Variants in SYT17 observed in about 807,000 individuals in gnomAD.
SYT17 encodes the protein synaptotagmin 17, also known as synaptotagmin-17.
Under a neutral mutation model 46.7 loss-of-function variants are expected in SYT17, and 22 were observed. The observed-to-expected ratio is 0.47, with a 90% CI of 0.34 to 0.67. SYT17 has a LOEUF of 0.67. Ranked by LOEUF, SYT17 falls within the 30% of genes least tolerant of loss-of-function variation. The probability of loss-of-function intolerance (pLI) is 0.01; values close to 1 mark genes in which losing one functional copy is unlikely to be tolerated. For missense variants in SYT17, 519 were observed against 612.8 expected (o/e 0.85, Z 1.62); for synonymous variants, 251 against 248.4 (o/e 1.01, Z -0.10).
chr16:19,252,007 C>G (rs771422811), intron 7 of SYT17, among the ~76,000 whole-genome samples: 2 of 151,814 alleles, frequency 1.3e-5, no homozygotes, highest in Admixed American at 1.3e-4. Context: ...GTCAGGAGTT[C>G]GAGAGCAGCC....
At chr16:19,253,843 T>G (rs146983813) in intron 7 of SYT17, among the ~76,000 whole-genome samples, 1,636 of 152,212 alleles carry the variant, frequency 0.011, 41 homozygotes, top group African/African-American at 0.037. Flanking sequence ...TTCTCCTGTC[T>G]CAGCCTCCCG....
chr16:19,232,886 A>T (rs1171890773), intron 7 of SYT17, among the ~76,000 whole-genome samples: 1 of 151,748 alleles, frequency 6.6e-6, no homozygotes, highest in Non-Finnish European at 1.5e-5. Flanking sequence ...ACTGGTCCCT[A>T]CCCCTGCACA....
intron 5 of SYT17, among the ~76,000 whole-genome samples, chr16:19,198,667 T>A (rs945625581): frequency 6.6e-6 from 1 of 152,224 alleles, no homozygotes; most frequent in Admixed American, 6.5e-5. Context: ...CTGTGTTAAC[T>A]GTTGCCCTGT....
chr16:19,224,154 C>T (rs1174820002), intron 6 of SYT17, among the ~76,000 whole-genome samples: 1 of 152,116 alleles, frequency 6.6e-6, no homozygotes, highest in Non-Finnish European at 1.5e-5. Flanking sequence ...GGGCTATGGG[C>T]TCACTGAAAT....
intron 5 of SYT17, among the ~76,000 whole-genome samples, chr16:19,199,085 G>C (rs1317740800): frequency 6.6e-6 from 1 of 152,180 alleles, no homozygotes; most frequent in African/African-American, 2.4e-5. Flanking sequence ...TGTCAACATT[G>C]ATTGACCACA....
chr16:19,183,001 C>T lies in SYT17; in HGVS notation c.332-527C>T, dbSNP rs1212226479. Among the ~76,000 whole-genome samples the T allele has an allele frequency of 2.6e-5, 4 of 152,180 alleles. No individual in the cohort carries two copies. Among genetic ancestry groups the T allele is most frequent in the Non-Finnish European group, 4.4e-5 (3 of 68,040 alleles). Reference sequence around the variant, plus strand: ...AGAATATGCCCGGAGTCACATGGCTCACTGGTAATGAGTACACGAGTAGTG... The same window carrying T: ...AGAATATGCCCGGAGTCACATGGCTTACTGGTAATGAGTACACGAGTAGTG... On this transcript the variant is annotated intron_variant, in intron 4 of 7. Coordinates refer to ENST00000355377, the MANE Select transcript of SYT17 (RefSeq NM_016524.4). The surrounding 1 kb of genome is among the most constrained non-coding windows in gnomAD (Gnocchi z 5.6).
At position 19,180,554 on chromosome 16, in the gene SYT17, T is replaced by A. The variant is rs771214015; in HGVS notation, c.331+15T>A. On this transcript the variant is annotated intron_variant, in intron 4 of 7. Transcript: ENST00000355377. ...GAGGATTTCGAGTAAGTATCTCTGC[T>A]TTACCTTTCTGGGGGCCCTGGCTGG... is the stretch of plus-strand genomic sequence containing the variant. 6.2e-7 allele frequency: 1 copy of A among 1,613,340 alleles called. No homozygotes were observed. Among genetic ancestry groups the A allele is most frequent in the Non-Finnish European group, 8.5e-7 (1 of 1,179,532 alleles).
chr16:19,172,753 A>G lies in SYT17; in HGVS notation c.16-7A>G. Reference sequence around the variant, plus strand: ...CCTTGGCTTCATCGTGGATCTTAAAAGGGCAGTTGGAACCATTAAACGAGG... The same window carrying G: ...CCTTGGCTTCATCGTGGATCTTAAAGGGGCAGTTGGAACCATTAAACGAGG... On this transcript the variant is annotated splice_region_variant and splice_polypyrimidine_tract_variant and intron_variant, in intron 1 of 7. Coordinates refer to ENST00000355377, the MANE Select transcript of SYT17 (RefSeq NM_016524.4). The G allele has an allele frequency of 6.2e-7, 1 of 1,613,952 alleles. No homozygotes were observed. Among genetic ancestry groups the G allele is most frequent in the Non-Finnish European group, 8.5e-7 (1 of 1,179,998 alleles).
At chr16:19,178,717 T>G (rs1964422134) in intron 3 of SYT17, among the ~76,000 whole-genome samples, 4 of 152,060 alleles carry the variant, frequency 2.6e-5, no homozygotes, top group Admixed American at 1.3e-4. Context: ...TAATGTCAAG[T>G]TGGGGGGTAT....
chr16:19,257,433 G>C (rs780807646), intron 7 of SYT17, among the ~76,000 whole-genome samples: 2 of 151,456 alleles, frequency 1.3e-5, no homozygotes, highest in Non-Finnish European at 2.9e-5. Context: ...AAAGCTTCTA[G>C]GTTTCTGAAA....
chr16:19,236,468 AC>A (rs564595996), intron 7 of SYT17, among the ~76,000 whole-genome samples: 207 of 152,292 alleles, frequency 1.4e-3, no homozygotes, highest in South Asian at 8.3e-3. Flanking sequence ...CACTTCAGAT[AC>A]CAGCTGTAAG....
At position 19,201,551 on chromosome 16, in the gene SYT17, A is replaced by G. The variant is rs1283591844; in HGVS notation, c.951+17404A>G. Reference sequence around the variant, plus strand: ...TGCTAAACAAATAGAAGCCACAGATATCTCTTCTGTGGCCCCCCAAAACCA... The same window carrying G: ...TGCTAAACAAATAGAAGCCACAGATGTCTCTTCTGTGGCCCCCCAAAACCA... On this transcript the variant is annotated intron_variant, in intron 5 of 7. Transcript: ENST00000355377. Among the ~76,000 whole-genome samples the G allele has an allele frequency of 2.6e-5, 4 of 151,956 alleles. No individual in the cohort carries two copies. The East Asian group carries it at 5.8e-4, about 22-fold the overall frequency.
intron 7 of SYT17, among the ~76,000 whole-genome samples, chr16:19,252,202 T>A (rs1968131854): frequency 6.6e-6 from 1 of 150,766 alleles, no homozygotes; most frequent in African/African-American, 2.4e-5. Flanking sequence ...GACGTCTTTT[T>A]GAAATGACCT....
intron 7 of SYT17, among the ~76,000 whole-genome samples, chr16:19,237,974 T>C (rs143456140): frequency 1.3e-5 from 2 of 152,344 alleles, no homozygotes; most frequent in Non-Finnish European, 2.9e-5. Context: ...TCTAAGTACA[T>C]TGAGACGTCT....
intron 7 of SYT17, among the ~76,000 whole-genome samples, chr16:19,245,535 T>G (rs1454653822): frequency 6.6e-6 from 1 of 152,170 alleles, no homozygotes; most frequent in Admixed American, 6.5e-5. Flanking sequence ...GTTTGAGGCT[T>G]GTTTACTCTC....
At position 19,214,947 on chromosome 16, in the gene SYT17, A is replaced by G. The variant is rs115009481; in HGVS notation, c.952-8098A>G. On this transcript the variant is annotated intron_variant, in intron 5 of 7. Transcript: ENST00000355377. ...GGGATTGCAGGCGCCCACCCCACAC[A>G]CAGCTACTTTTTGTATTTCTAGTAG... is the stretch of plus-strand genomic sequence containing the variant. 5.9e-3 allele frequency among the ~76,000 whole-genome samples: 892 copies of G among 152,126 alleles called. 8 individuals are homozygous for G. Among genetic ancestry groups the G allele is most frequent in the African/African-American group, 0.021 (861 of 41,526 alleles).
At chr16:19,173,347 T>G in intron 2 of SYT17, 83 bp from the exon 3 acceptor site, 1 of 874,366 alleles carries the variant, frequency 1.1e-6, no homozygotes, top group Non-Finnish European at 1.7e-6. Flanking sequence ...TAATTTTGGG[T>G]GTTGTTTCTC....
At chr16:19,192,072 C>G (rs867856370) in intron 5 of SYT17, among the ~76,000 whole-genome samples, 1 of 152,208 alleles carries the variant, frequency 6.6e-6, no homozygotes, top group East Asian at 1.9e-4. Flanking sequence ...CGCGAGCCAC[C>G]GCGCGGCCGC....
chr16:19,187,643 C>T (rs1247098445), intron 5 of SYT17, among the ~76,000 whole-genome samples: 1 of 152,166 alleles, frequency 6.6e-6, no homozygotes, highest in African/African-American at 2.4e-5. Flanking sequence ...GAAGAATATG[C>T]TCCTATTGCC....
Sources: allele counts gnomAD v4.1 joint callset (sites outside exome capture counted in the v4.1 genomes callset), GRCh38; gene constraint gnomAD v4.1.1; non-coding constraint Gnocchi (gnomAD v3.1); transcripts MANE v1.5; gene names NCBI Gene and HGNC (gene_info 2026-07-23, HGNC 2026-07-21).